Variants in OTUD7A observed in about 807,000 individuals in gnomAD.
OTUD7A encodes the protein OTU domain-containing protein 7A.
OTUD7A carries 12 observed loss-of-function variants against 65.7 expected under a neutral mutation model. The observed-to-expected ratio is 0.18, with a 90% CI of 0.12 to 0.30. OTUD7A has a LOEUF of 0.30. Ranked by LOEUF, OTUD7A falls within the 10% of genes least tolerant of loss-of-function variation. OTUD7A has a pLI of 1.00. For missense variants in OTUD7A, 1,148 were observed against 1,304.8 expected, an observed-to-expected ratio of 0.88 and a Z score of 1.85; for synonymous variants, 641 against 586.3, an observed-to-expected ratio of 1.09 and a Z score of -1.35.
intron 3 of OTUD7A, among the ~76,000 whole-genome samples, chr15:31,612,799 A>G (rs1890469289): frequency 6.6e-6 from 1 of 152,224 alleles, no homozygotes; most frequent in African/African-American, 2.4e-5. Context: ...AACAATTCTA[A>G]AATTCATATG....
At chr15:31,647,491 C>T (rs186347204) in intron 3 of OTUD7A, among the ~76,000 whole-genome samples, 1 of 152,342 alleles carries the variant, frequency 6.6e-6, no homozygotes, top group African/African-American at 2.4e-5. Flanking sequence ...GTCATAGAAA[C>T]TTCTTCCTCC....
At chr15:31,638,345 C>T (rs1891402509) in intron 3 of OTUD7A, among the ~76,000 whole-genome samples, 1 of 151,140 alleles carries the variant, frequency 6.6e-6, no homozygotes, top group African/African-American at 2.4e-5. Flanking sequence ...TGCTATTGAA[C>T]ACTTAGTAGA....
chr15:31,554,485 C>T (rs891157857), intron 5 of OTUD7A, among the ~76,000 whole-genome samples: 1 of 152,346 alleles, frequency 6.6e-6, no homozygotes, highest in South Asian at 2.1e-4. Flanking sequence ...AAGCCAGGGT[C>T]GGGCTGACTC....
At chr15:31,686,442 G>A (rs1307412132) in intron 1 of OTUD7A, among the ~76,000 whole-genome samples, 2 of 152,252 alleles carry the variant, frequency 1.3e-5, no homozygotes, top group Non-Finnish European at 2.9e-5. Context: ...ACACTCAAGT[G>A]AAACTCAGTG....
Position 31,483,800 on chromosome 15 carries a change from G to A in OTUD7A, c.2296C>T (p.Pro766Ser), listed in dbSNP as rs1304385572. 1.4e-4 allele frequency: 144 copies of A among 1,024,454 alleles called. No homozygotes were observed. The highest frequency in any genetic ancestry group is 6.1e-4 in the African/African-American group (35 of 57,422). The allele number at this position is 1,024,454 out of a possible 1,614,324, so 63.5% of individuals were successfully genotyped here. Reference sequence around the variant, plus strand: ...GCTGGCGCCGGGGGGCTGCGGCCAGGCACTGGTCCGCTGGCGCTCGCACGC... The same window carrying A: ...GCTGGCGCCGGGGGGCTGCGGCCAGACACTGGTCCGCTGGCGCTCGCACGC... ...ARRASASGPV[P>S]GRSPPAPARQ... The change falls in exon 13 of 13, where the codon CCT (proline) becomes TCT (serine). Residue 766 changes from proline to serine, a missense_variant. Physicochemically the swap from Pro to Ser is moderately conservative, Grantham distance 74. Around this residue, in one of 6 missense-constraint regions of OTUD7A, gnomAD observed 842 missense variants for 769.5 expected, o/e 1.09. Transcript: ENST00000307050.
At chr15:31,701,718 A>G (rs1256421032) in intron 1 of OTUD7A, among the ~76,000 whole-genome samples, 8 of 151,956 alleles carry the variant, frequency 5.3e-5, no homozygotes, top group Admixed American at 5.2e-4. Context: ...GAATTCTACC[A>G]AACATTTAAA....
intron 3 of OTUD7A, among the ~76,000 whole-genome samples, chr15:31,637,002 G>C (rs1891362392): frequency 6.6e-6 from 1 of 152,218 alleles, no homozygotes; most frequent in Non-Finnish European, 1.5e-5. Context: ...TTGCACTGGG[G>C]AAGTGGCAAG....
chr15:31,755,757 G>T (rs1431760388), intron 1 of OTUD7A, among the ~76,000 whole-genome samples: 1 of 151,892 alleles, frequency 6.6e-6, no homozygotes, highest in Non-Finnish European at 1.5e-5. Flanking sequence ...CAACGTCAAA[G>T]AAATTTTCAA....
intron 1 of OTUD7A, among the ~76,000 whole-genome samples, chr15:31,666,382 C>T (rs1237044437): frequency 6.6e-6 from 1 of 152,080 alleles, no homozygotes; most frequent in East Asian, 1.9e-4. Flanking sequence ...TCCATGTCTT[C>T]TAGGTTTTCT....
chr15:31,856,835 C>G (rs1897586910), intron 1 of OTUD7A, among the ~76,000 whole-genome samples: 1 of 152,232 alleles, frequency 6.6e-6, no homozygotes, highest in Admixed American at 6.5e-5. Context: ...ATTGTCATTT[C>G]TGGCTCTGAG....
chr15:31,567,321 T>C lies in OTUD7A; in HGVS notation c.331+2697A>G, dbSNP rs186420851. Among the ~76,000 whole-genome samples, 142 of 152,342 alleles carry C rather than the reference T, an allele frequency of 9.3e-4. 1 individual carries two copies. Among genetic ancestry groups the C allele is most frequent in the African/African-American group, 3.3e-3 (137 of 41,584 alleles). On this transcript the variant is annotated intron_variant, in intron 4 of 12. Coordinates refer to ENST00000307050, the MANE Select transcript of OTUD7A (RefSeq NM_001382637.1). Reference sequence around the variant, plus strand: ...CATACCCTAGGGATCTGTGGAAGTCTGAACTTGATGATTTAGGGTATGTGG... The same window carrying C: ...CATACCCTAGGGATCTGTGGAAGTCCGAACTTGATGATTTAGGGTATGTGG...
At chr15:31,723,343 G>A (rs1260607848) in intron 1 of OTUD7A, among the ~76,000 whole-genome samples, 8 of 150,324 alleles carry the variant, frequency 5.3e-5, no homozygotes, top group African/African-American at 1.7e-4. Flanking sequence ...TTGCCCTGCC[G>A]CCTTCTGAAA....
intron 3 of OTUD7A, among the ~76,000 whole-genome samples, chr15:31,644,127 G>T (rs1449045980): frequency 6.6e-6 from 1 of 151,834 alleles, no homozygotes; most frequent in Non-Finnish European, 1.5e-5. Flanking sequence ...GTGGGGTGGG[G>T]GATGCCAGAG....
In OTUD7A at chr15:31,793,662, G is replaced by T. The variant is rs538183507; in HGVS notation, c.-100+76845C>A. Reference sequence around the variant, plus strand: ...ACCAGTGGAAGGCTTAATGGAAGGAGATGTCCCATCGTACTGTCATTCATA... The same window carrying T: ...ACCAGTGGAAGGCTTAATGGAAGGATATGTCCCATCGTACTGTCATTCATA... On this transcript the variant is annotated intron_variant, in intron 1 of 12. Transcript: ENST00000307050. 2.8e-4 allele frequency among the ~76,000 whole-genome samples: 42 copies of T among 152,374 alleles called. 1 individual carries two copies. The highest frequency in any genetic ancestry group is 6.8e-3 in the Middle Eastern group (2 of 294).
chr15:31,845,617 C>T (rs554920004), intron 1 of OTUD7A, among the ~76,000 whole-genome samples: 3 of 152,200 alleles, frequency 2.0e-5, no homozygotes, highest in Non-Finnish European at 4.4e-5. Context: ...CATGTTGAGG[C>T]CCCCTCAGGA....
rs1353019792 is a variant in OTUD7A at position 31,800,952 on chromosome 15, G to A, written c.-100+69555C>T. Among the ~76,000 whole-genome samples, 6 of 151,632 alleles carry A rather than the reference G, an allele frequency of 4.0e-5. No individual in the cohort carries two copies. The South Asian group carries it at 6.3e-4, about 16-fold the overall frequency. ...CATGGGTCTCAGAGGCATGCTCTCAGGGTCTCTGCATGCTGTGCCAGAAAC... is the reference window on the plus strand; with the variant it reads ...CATGGGTCTCAGAGGCATGCTCTCAAGGTCTCTGCATGCTGTGCCAGAAAC... On this transcript the variant is annotated intron_variant, in intron 1 of 12. Transcript: ENST00000307050.
intron 1 of OTUD7A, among the ~76,000 whole-genome samples, chr15:31,674,738 A>G (rs34970269): frequency 6.6e-6 from 1 of 152,218 alleles, no homozygotes; most frequent in East Asian, 1.9e-4. Flanking sequence ...CTTACCTGAT[A>G]GAAAGAGACA....
chr15:31,585,621 T>G (rs1345703029), intron 3 of OTUD7A, among the ~76,000 whole-genome samples: 1 of 152,216 alleles, frequency 6.6e-6, no homozygotes, highest in African/African-American at 2.4e-5. Context: ...CCTTCACTCC[T>G]CTACCCTTCC....
intron 3 of OTUD7A, among the ~76,000 whole-genome samples, chr15:31,596,148 C>T (rs1419402429): frequency 6.6e-6 from 1 of 152,146 alleles, no homozygotes; most frequent in Non-Finnish European, 1.5e-5. Flanking sequence ...GGCTGAATGT[C>T]AGGGAACAGG....
Sources: allele counts gnomAD v4.1 joint callset (sites outside exome capture counted in the v4.1 genomes callset), GRCh38; gene constraint gnomAD v4.1.1; regional missense constraint gnomAD v4.1.1; transcripts MANE v1.5; gene names NCBI Gene and HGNC (gene_info 2026-07-23, HGNC 2026-07-21).